The following KCNJ6 variants were observed in gnomAD, a reference collection of about 807,000 sequenced individuals.
The protein encoded by KCNJ6 is potassium inwardly rectifying channel subfamily J member 6.
A neutral mutation model predicts 34.2 loss-of-function variants in KCNJ6; 9 were observed. The ratio of observed to expected loss-of-function variants is 0.26; its 90% CI spans 0.16 to 0.46. The LOEUF is 0.46. Among genes scored for constraint, KCNJ6 ranks in the 20% least tolerant of loss-of-function variants. The pLI, the probability that KCNJ6 is intolerant of heterozygous loss-of-function variation, is 1.00. For missense variants in KCNJ6, 236 were observed against 531.3 expected (o/e 0.44, Z 5.46); for synonymous variants, 196 against 207.1 (o/e 0.95, Z 0.46).
rs1160847805 is a variant in KCNJ6, at chr21:37,675,492, C to T, written c.946+38719G>A. Among the ~76,000 whole-genome samples the T allele has an allele frequency of 6.6e-6, 1 of 152,238 alleles. No homozygotes were observed. Among genetic ancestry groups the T allele is most frequent in the Non-Finnish European group, 1.5e-5 (1 of 68,034 alleles). The stretch of plus-strand genomic sequence containing the variant: ...CTGGGGATGAGCACCACTGTCATCG[C>T]GGGGACCCTCGGGCTGCGCCTCTGC... On this transcript the variant is annotated intron_variant, in intron 3 of 3. Coordinates refer to ENST00000609713, the MANE Select transcript of KCNJ6 (RefSeq NM_002240.5). This position sits in a 1 kb window ranked among gnomAD's most constrained non-coding sequence, Gnocchi z 4.2.
rs2055891289 is a variant in KCNJ6, at chr21:37,915,913, T to C, written c.-57A>G. 1 of 152,180 alleles carries C rather than the reference T, an allele frequency of 6.6e-6. No homozygotes were observed. The highest frequency in any genetic ancestry group is 2.4e-5 in the African/African-American group (1 of 41,426). The allele number at this position is 152,180 out of a possible 1,614,324, so 9.4% of individuals were successfully genotyped here. The stretch of plus-strand genomic sequence containing the variant: ...CTGCGGACGGGGTGGCTTCACTCAA[T>C]CATGATCTCCTCTCTTGAAACGGAG... On this transcript the variant is annotated 5_prime_UTR_variant, in exon 1 of 4. Coordinates refer to ENST00000609713, the MANE Select transcript of KCNJ6 (RefSeq NM_002240.5).
intron 3 of KCNJ6, among the ~76,000 whole-genome samples, chr21:37,665,687 C>T (rs1309658880): frequency 6.6e-6 from 1 of 152,152 alleles, no homozygotes; most frequent in Non-Finnish European, 1.5e-5. Context: ...AGTTTTAGGT[C>T]GACCAAGTGT....
At chr21:37,707,372 G>C (rs2054725682) in intron 3 of KCNJ6, among the ~76,000 whole-genome samples, 1 of 152,322 alleles carries the variant, frequency 6.6e-6, no homozygotes, top group Admixed American at 6.5e-5. Context: ...GGTCTATAGA[G>C]GAAGAGATGA....
intron 2 of KCNJ6, among the ~76,000 whole-genome samples, chr21:37,791,940 TTCTTC>T (rs1462895683): frequency 6.6e-6 from 1 of 152,238 alleles, no homozygotes; most frequent in Non-Finnish European, 1.5e-5. Context: ...ACTGTTCCAA[TTCTTC>T]TCTTCTAGCG....
rs917791148 is a variant in KCNJ6, at chr21:37,611,288, A to G, written c.*13871T>C. ...TGAAAAATAGAATTTGTCAAAACTCACACAAGAGCAAATAGACAATCTGAA... is the reference window on the plus strand; with the variant it reads ...TGAAAAATAGAATTTGTCAAAACTCGCACAAGAGCAAATAGACAATCTGAA... On this transcript the variant is annotated 3_prime_UTR_variant, in exon 4 of 4. Coordinates refer to ENST00000609713, the MANE Select transcript of KCNJ6 (RefSeq NM_002240.5). The G allele has an allele frequency of 7.2e-5, 11 of 152,332 alleles. No homozygotes were observed. The highest frequency in any genetic ancestry group is 2.1e-4 in the South Asian group (1 of 4,828). The allele number at this position is 152,332 out of a possible 1,614,324, so 9.4% of individuals were successfully genotyped here.
intron 3 of KCNJ6, among the ~76,000 whole-genome samples, chr21:37,685,138 A>T (rs1378844324): frequency 1.3e-5 from 2 of 152,162 alleles, no homozygotes. Flanking sequence ...AAAAGGAAAC[A>T]CCAGTAAATA....
chr21:37,635,064 T>C lies in KCNJ6; in HGVS notation c.947-9580A>G, dbSNP rs375942963. ...AGCCACCATGCACAGCCAAATCACT[T>C]TGTGGTTTTTTTTAAAGAAAGCAAG... On this transcript the variant is annotated intron_variant, in intron 3 of 3. Coordinates refer to ENST00000609713, the MANE Select transcript of KCNJ6 (RefSeq NM_002240.5). 3.3e-5 allele frequency among the ~76,000 whole-genome samples: 5 copies of C among 152,040 alleles called. No individual in the cohort carries two copies. In the East Asian group the frequency reaches 5.8e-4, roughly 18 times the overall value.
chr21:37,714,299 C>T lies in KCNJ6; in HGVS notation c.858G>A (p.Gln286=), dbSNP rs2054778571. 1 of 1,614,114 alleles carries T rather than the reference C, an allele frequency of 6.2e-7. No homozygotes were observed. The highest frequency in any genetic ancestry group is 1.1e-5 in the South Asian group (1 of 91,068). Residue 286 remains glutamine (Q), a synonymous_variant, in exon 3 of 4, where the codon CAG becomes CAA. Coordinates refer to ENST00000609713, the MANE Select transcript of KCNJ6 (RefSeq NM_002240.5). The surrounding 1 kb of genome is among the most constrained non-coding windows in gnomAD (Gnocchi z 5.9). The part of the protein sequence containing the change: ...PLIISHEINQ[Q]SPFWEISKAQ... ...CTTTGGAGATCTCCCAGAAAGGACT[C>T]TGTTGGTTAATTTCATGGCTAATGA...
chr21:37,634,832 C>T (rs1244074494), intron 3 of KCNJ6, among the ~76,000 whole-genome samples: 1 of 150,072 alleles, frequency 6.7e-6, no homozygotes. Flanking sequence ...GATCTTGGCT[C>T]ATTGCAGTTT....
intron 2 of KCNJ6, among the ~76,000 whole-genome samples, chr21:37,749,816 A>G (rs1274754994): frequency 6.6e-6 from 1 of 152,196 alleles, no homozygotes; most frequent in Non-Finnish European, 1.5e-5. Flanking sequence ...GAATGGAAAG[A>G]AGGACAAGGT....
chr21:37,883,625 C>T, intron 1 of KCNJ6, among the ~76,000 whole-genome samples: 1 of 152,140 alleles, frequency 6.6e-6, no homozygotes, highest in East Asian at 1.9e-4. Context: ...TTTGAAGTTT[C>T]CCTGCTCCCA....
chr21:37,801,393 A>C (rs2055268632), intron 2 of KCNJ6, among the ~76,000 whole-genome samples: 1 of 152,152 alleles, frequency 6.6e-6, no homozygotes, highest in African/African-American at 2.4e-5. Context: ...TTCAAGCAGC[A>C]CTTCTGGGAC....
intron 2 of KCNJ6, among the ~76,000 whole-genome samples, chr21:37,775,800 G>A (rs547472288): frequency 2.6e-5 from 4 of 152,082 alleles, no homozygotes; most frequent in Non-Finnish European, 5.9e-5. Flanking sequence ...CTCCAACTTT[G>A]TTCTTTTGGC....
intron 2 of KCNJ6, among the ~76,000 whole-genome samples, chr21:37,721,484 T>C (rs926695678): frequency 6.6e-6 from 1 of 152,234 alleles, no homozygotes; most frequent in Non-Finnish European, 1.5e-5. Context: ...GTGTTCATAC[T>C]AGCATTCTCC....
At position 37,621,652 on chromosome 21, in the gene KCNJ6, T is replaced by C. The variant is rs769958060; in HGVS notation, c.*3507A>G. 1 of 152,208 alleles carries C rather than the reference T, an allele frequency of 6.6e-6. No homozygotes were observed. Among genetic ancestry groups the C allele is most frequent in the Non-Finnish European group, 1.5e-5 (1 of 68,044 alleles). The allele number at this position is 152,208 out of a possible 1,614,324, so 9.4% of individuals were successfully genotyped here. On this transcript the variant is annotated 3_prime_UTR_variant, in exon 4 of 4. Transcript: ENST00000609713. ...TGTGCTTAAGAAATAGGTTGACATTTGCAGCTGGATTTCTGTTAGGGAACA... is the reference window on the plus strand; with the variant it reads ...TGTGCTTAAGAAATAGGTTGACATTCGCAGCTGGATTTCTGTTAGGGAACA...
intron 1 of KCNJ6, among the ~76,000 whole-genome samples, chr21:37,874,488 CCTGACCAAAA>C (rs2055667851): frequency 6.6e-6 from 1 of 152,228 alleles, no homozygotes; most frequent in Non-Finnish European, 1.5e-5. Flanking sequence ...TCAAAATTCA[CCTGACCAAAA>C]CTGAACTTTG....
intron 3 of KCNJ6, among the ~76,000 whole-genome samples, chr21:37,680,502 C>T (rs575203177): frequency 3.3e-5 from 5 of 152,310 alleles, no homozygotes; most frequent in African/African-American, 1.2e-4. Context: ...GGTTAAACAA[C>T]CTTCTAGATA....
At chr21:37,912,408 C>T (rs896834740) in intron 1 of KCNJ6, among the ~76,000 whole-genome samples, 4 of 152,180 alleles carry the variant, frequency 2.6e-5, no homozygotes, top group Non-Finnish European at 4.4e-5. Flanking sequence ...ATTTCATATA[C>T]CTAGATTATT....
intron 3 of KCNJ6, among the ~76,000 whole-genome samples, chr21:37,689,352 TG>T (rs11312344): frequency 1 from 152,358 of 152,358 alleles, 76,179 homozygotes; most frequent in Non-Finnish European, 1. Context: ...AAGTGTCACT[TG>T]GAAGCAAATT....
Sources: allele counts gnomAD v4.1 joint callset (sites outside exome capture counted in the v4.1 genomes callset), GRCh38; gene constraint gnomAD v4.1.1; non-coding constraint Gnocchi (gnomAD v3.1); transcripts MANE v1.5; gene names NCBI Gene and HGNC (gene_info 2026-07-23, HGNC 2026-07-21).